Variants in PIGC observed in about 807,000 individuals in gnomAD.
The protein encoded by PIGC is phosphatidylinositol N-acetylglucosaminyltransferase subunit C.
Under a neutral mutation model 20.9 loss-of-function variants are expected in PIGC, and 14 were observed. The ratio of observed to expected loss-of-function variants is 0.67; its 90% CI spans 0.44 to 1.05. PIGC has a LOEUF of 1.05. Ranked by LOEUF, PIGC falls within the 50% of genes least tolerant of loss-of-function variation. PIGC has a pLI of 0.00. For synonymous variants in PIGC, 132 were observed against 141.4 expected, an observed-to-expected ratio of 0.93 and a Z score of 0.47; for missense variants, 310 against 360.9, an observed-to-expected ratio of 0.86 and a Z score of 1.14.
At position 172,442,729 on chromosome 1, in the gene PIGC, T is replaced by C. The variant is rs1647464204; in HGVS notation, c.-107A>G. ...AAATGAGACCTCCCTGGAAATTCCA[T>C]GCTGTGTTGATGTTCTACCAACCTT... On this transcript the variant is annotated 5_prime_UTR_variant, in exon 2 of 2. An upstream start codon of the reference 5' UTR is lost. Coordinates refer to ENST00000344529, the MANE Select transcript of PIGC (RefSeq NM_153747.2). 4.1e-6 allele frequency: 4 copies of C among 965,930 alleles called. No individual in the cohort carries two copies. The South Asian group carries it at 6.2e-5, about 15-fold the overall frequency. 59.8% of individuals were successfully genotyped at this position (965,930 alleles called of 1,614,324 possible).
rs777046406 is a variant in PIGC, at chr1:172,442,089, G to A, written c.534C>T (p.Ser178=). The A allele has an allele frequency of 6.2e-7, 1 of 1,614,228 alleles. No homozygotes were observed. Among genetic ancestry groups the A allele is most frequent in the East Asian group, 2.2e-5 (1 of 44,886 alleles). The change falls in exon 2 of 2, where the codon TCC becomes TCT. Residue 178 remains serine (S), a synonymous_variant. Transcript: ENST00000344529. ...ANAAIVSSTL[S]LNMAIFASVC... ...CAGAAGCAAAGATGGCCATGTTCAAGGATAGTGTGCTGGATACAATGGCAG... is the reference window on the plus strand; with the variant it reads ...CAGAAGCAAAGATGGCCATGTTCAAAGATAGTGTGCTGGATACAATGGCAG...
rs757152218 is a variant in PIGC, at chr1:172,442,331, C to G, written c.292G>C (p.Val98Leu). The G allele has an allele frequency of 8.1e-6, 13 of 1,613,192 alleles. No individual in the cohort carries two copies. The African/African-American group carries it at 1.6e-4, about 20-fold the overall frequency. Residue 98 changes from valine to leucine, a missense_variant, in exon 2 of 2, where the codon GTT becomes CTT. Coordinates refer to ENST00000344529, the MANE Select transcript of PIGC (RefSeq NM_153747.2). ...CCTCCATCAATGAGATCAAACAAAA[C>G]ATACCCAATCAGTGAAGAAGCCAGA... Reference protein sequence around the residue: ...TGLASSLIGYVLFDLIDGGEG... With the variant: ...TGLASSLIGYLLFDLIDGGEG...
chr1:172,443,555 T>A (rs1647578513), intron 1 of PIGC: 1 of 167,076 alleles, frequency 6.0e-6, no homozygotes, highest in African/African-American at 2.4e-5. Flanking sequence ...AAGAAGATAA[T>A]CATTCCTTTT....
At chr1:172,442,964 A>G (rs1041490451) in intron 1 of PIGC, 134 bp from the exon 2 acceptor site, 2 of 212,884 alleles carry the variant, frequency 9.4e-6, no homozygotes, top group African/African-American at 4.7e-5. Context: ...GGACATTAAA[A>G]CTGCATTTCA....
chr1:172,442,182 G>A lies in PIGC; in HGVS notation c.441C>T (p.Asp147=), dbSNP rs1647383712. 1.9e-6 allele frequency: 3 copies of A among 1,614,164 alleles called. No individual in the cohort carries two copies. The highest frequency in any genetic ancestry group is 1.1e-5 in the South Asian group (1 of 91,080). ...LKTLTESVST[D]TIYAMSVFML... ...TGAAGACTGACATGGCATAGATGGTGTCAGTGCTGACAGACTCTGTAAGGG... is the reference window on the plus strand; with the variant it reads ...TGAAGACTGACATGGCATAGATGGTATCAGTGCTGACAGACTCTGTAAGGG... Residue 147 remains aspartate, a synonymous_variant, in exon 2 of 2, where the codon GAC becomes GAT. Transcript: ENST00000344529.
chr1:172,442,064 C>G lies in PIGC; in HGVS notation c.559G>C (p.Val187Leu), dbSNP rs748141955. The G allele has an allele frequency of 1.2e-6, 2 of 1,614,162 alleles. No homozygotes were observed. Among genetic ancestry groups the G allele is most frequent in the Non-Finnish European group, 1.7e-6 (2 of 1,180,040 alleles). ...CGGGGAAGACGTGATGCCAAGCATA[C>G]AGAAGCAAAGATGGCCATGTTCAAG... ...LSLNMAIFAS[V>L]CLASRLPRSL... Residue 187 changes from valine to leucine, a missense_variant, in exon 2 of 2, where the codon GTA (valine) becomes CTA (leucine). Transcript: ENST00000344529.
In PIGC at chr1:172,442,809, G is replaced by A; in HGVS notation, c.-187C>T. The A allele has an allele frequency of 1.7e-6, 1 of 583,246 alleles. No homozygotes were observed. Among genetic ancestry groups the A allele is most frequent in the South Asian group, 2.3e-5 (1 of 43,302 alleles). The allele number at this position is 583,246 out of a possible 1,614,324, so 36.1% of individuals were successfully genotyped here. On this transcript the variant is annotated 5_prime_UTR_variant, in exon 2 of 2. Coordinates refer to ENST00000344529, the MANE Select transcript of PIGC (RefSeq NM_153747.2). ...TACAATAGATGAATTTGTCTCTGAG[G>A]CAGGACAACACAGCCAAGTTCCTAG... is the stretch of plus-strand genomic sequence containing the variant.
Position 172,441,617 on chromosome 1 carries a change from T to G in PIGC, c.*112A>C. ...CATTTTTTTTGGTTTTGATCTCTAT[T>G]CTCTTACCACAATGACATGCTGCTT... On this transcript the variant is annotated 3_prime_UTR_variant, in exon 2 of 2. Coordinates refer to ENST00000344529, the MANE Select transcript of PIGC (RefSeq NM_153747.2). 9.9e-7 allele frequency: 1 copy of G among 1,012,576 alleles called. No homozygotes were observed. Among genetic ancestry groups the G allele is most frequent in the Non-Finnish European group, 1.4e-6 (1 of 705,066 alleles). The allele number at this position is 1,012,576 out of a possible 1,614,324, so 62.7% of individuals were successfully genotyped here.
rs751068367 is a variant in PIGC at position 172,441,884 on chromosome 1, T to C, written c.739A>G (p.Ser247Gly). The change falls in exon 2 of 2, where the codon AGT becomes GGT. Residue 247 changes from serine (S) to glycine (G), a missense_variant. By Grantham distance (56) the Ser-to-Gly change is moderately conservative. Coordinates refer to ENST00000344529, the MANE Select transcript of PIGC (RefSeq NM_153747.2). ...GCAAAGAGTACGGCTCCCACAGCAC[T>C]AATGGACAGTAGGCCTCCCACGGCT... ...FSAVGGLLSI[S>G]AVGAVLFALL... is the part of the protein sequence containing the mutation. 53 of 1,614,160 alleles carry C rather than the reference T, an allele frequency of 3.3e-5. No individual in the cohort carries two copies. In the East Asian group the frequency reaches 1.0e-3, roughly 31 times the overall value.
Position 172,441,523 on chromosome 1 carries a change from C to T in PIGC, c.*206G>A. On this transcript the variant is annotated 3_prime_UTR_variant, in exon 2 of 2. Coordinates refer to ENST00000344529, the MANE Select transcript of PIGC (RefSeq NM_153747.2). ...TGTTACAGCATGTAATTCAAGAGGTCCCCAGAAAGTTTTTTCATCTACAAA... is the reference window on the plus strand; with the variant it reads ...TGTTACAGCATGTAATTCAAGAGGTTCCCAGAAAGTTTTTTCATCTACAAA... 2.3e-6 allele frequency: 1 copy of T among 426,412 alleles called. No homozygotes were observed. The highest frequency in any genetic ancestry group is 4.1e-6 in the Non-Finnish European group (1 of 241,826). The allele number at this position is 426,412 out of a possible 1,614,324, so 26.4% of individuals were successfully genotyped here.
rs1256988002 is a variant in PIGC, at chr1:172,442,380, G to T, written c.243C>A (p.Ala81=). 1 of 1,613,246 alleles carries T rather than the reference G, an allele frequency of 6.2e-7. No individual in the cohort carries two copies. Among genetic ancestry groups the T allele is most frequent in the Non-Finnish European group, 8.5e-7 (1 of 1,180,008 alleles). ...GACCAGTCCCTAAAAGCCAATGGGG[G>T]GCCAGAAGACCCTCATCCATATACC... is the stretch of plus-strand genomic sequence containing the variant. ...IWWYMDEGLL[A]PHWLLGTGLA... Residue 81 remains alanine (A), a synonymous_variant, in exon 2 of 2, where the codon GCC becomes GCA. Coordinates refer to ENST00000344529, the MANE Select transcript of PIGC (RefSeq NM_153747.2).
In PIGC at chr1:172,442,410, G is replaced by A. The variant is rs1199434718; in HGVS notation, c.213C>T (p.Ile71=). The change falls in exon 2 of 2, where the codon ATC becomes ATT. Residue 71 remains isoleucine (I), a synonymous_variant. Coordinates refer to ENST00000344529, the MANE Select transcript of PIGC (RefSeq NM_153747.2). ...GAAGACCCTCATCCATATACCACCAGATAACCACAAAAACACAAACACTGC... is the reference window on the plus strand; with the variant it reads ...GAAGACCCTCATCCATATACCACCAAATAACCACAAAAACACAAACACTGC... ...QLCSVCVFVV[I]WWYMDEGLLA... is the part of the protein sequence containing the mutation. 6.2e-7 allele frequency: 1 copy of A among 1,614,034 alleles called. No individual in the cohort carries two copies. The highest frequency in any genetic ancestry group is 2.2e-5 in the East Asian group (1 of 44,884).
In PIGC at chr1:172,442,428, A is replaced by C. The variant is rs550442979; in HGVS notation, c.195T>G (p.Val65=). Residue 65 remains valine (V), a synonymous_variant, in exon 2 of 2, where the codon GTT becomes GTG. Transcript: ENST00000344529. ...SSVVIQQLCS[V]CVFVVIWWYM... ...ACCACCAGATAACCACAAAAACACA[A>C]ACACTGCACAGCTGCTGGATCACCA... 16 of 1,614,054 alleles carry C rather than the reference A, an allele frequency of 9.9e-6. No individual in the cohort carries two copies. Among genetic ancestry groups the C allele is most frequent in the Admixed American group, 6.7e-5 (4 of 60,000 alleles).
At position 172,442,562 on chromosome 1, in the gene PIGC, G is replaced by C; in HGVS notation, c.61C>G (p.Arg21Gly). 6.2e-7 allele frequency: 1 copy of C among 1,613,960 alleles called. No homozygotes were observed. The highest frequency in any genetic ancestry group is 8.5e-7 in the Non-Finnish European group (1 of 1,179,864). ...EVKWQKVLYE[R>G]QPFPDNYVDR... ...ACATAGTTATCAGGAAAGGGCTGTC[G>C]CTCATACAAGACCTTCTGCCACTTG... is the stretch of plus-strand genomic sequence containing the variant. The change falls in exon 2 of 2, where the codon CGA becomes GGA. Residue 21 changes from arginine (R) to glycine (G), a missense_variant. Arg to Gly is a moderately radical substitution (Grantham distance 125). Coordinates refer to ENST00000344529, the MANE Select transcript of PIGC (RefSeq NM_153747.2).
rs148171978 is a variant in PIGC at position 172,441,842 on chromosome 1, T to C, written c.781A>G (p.Ile261Val). Residue 261 changes from isoleucine to valine, a missense_variant, in exon 2 of 2, where the codon ATC becomes GTC. Physicochemically the swap from Ile to Val is conservative, Grantham distance 29. Transcript: ENST00000344529. Reference sequence around the variant, plus strand: ...AGGTAGAATGGACACAGACATGAGATAGACATCAGCAGAAGGGCAAAGAGT... The same window carrying C: ...AGGTAGAATGGACACAGACATGAGACAGACATCAGCAGAAGGGCAAAGAGT... ...AVLFALLLMS[I>V]SCLCPFYLIR... 115 of 1,614,058 alleles carry C rather than the reference T, an allele frequency of 7.1e-5. 1 individual carries two copies. The highest frequency in any genetic ancestry group is 2.2e-4 in the South Asian group (20 of 91,068).
Position 172,442,419 on chromosome 1 carries a change from AAAAACAC to A in PIGC, c.197_203del (p.Cys66LeufsTer19). On this transcript the variant is annotated frameshift_variant, in exon 2 of 2. Coordinates refer to ENST00000344529, the MANE Select transcript of PIGC (RefSeq NM_153747.2). LOFTEE classifies it high-confidence loss of function. ...CATCCATATACCACCAGATAACCAC[AAAAACAC>A]AAACACTGCACAGCTGCTGGATCAC... 6.2e-7 allele frequency: 1 copy of A among 1,614,148 alleles called. No individual in the cohort carries two copies. The highest frequency in any genetic ancestry group is 8.5e-7 in the Non-Finnish European group (1 of 1,180,010).
At chr1:172,443,864 C>A (rs1280083881) in intron 1 of PIGC, 124 bp downstream of exon 1, 3 of 647,084 alleles carry the variant, frequency 4.6e-6, no homozygotes, top group Non-Finnish European at 5.9e-6. Context: ...TTCTGGCACC[C>A]CATTTGGCTT....
rs1178696545 is a variant in PIGC, at chr1:172,441,609, A to T, written c.*120T>A. The T allele has an allele frequency of 1.1e-5, 10 of 918,112 alleles. No individual in the cohort carries two copies. The Admixed American group carries it at 1.6e-4, about 15-fold the overall frequency. The allele number at this position is 918,112 out of a possible 1,614,324, so 56.9% of individuals were successfully genotyped here. A position where few individuals can be genotyped will look rare whatever the true frequency, so the allele number is the denominator to read the frequency against. On this transcript the variant is annotated 3_prime_UTR_variant, in exon 2 of 2. Transcript: ENST00000344529. ...CTTTGGTTCATTTTTTTTGGTTTTG[A>T]TCTCTATTCTCTTACCACAATGACA...
At chr1:172,443,774 A>T in intron 1 of PIGC, 1 of 196,100 alleles carries the variant, frequency 5.1e-6, no homozygotes, top group Non-Finnish European at 1.1e-5. Context: ...TGCGACGCCC[A>T]AAAGGGCAGC....
Sources: allele counts gnomAD v4.1 joint callset, GRCh38; gene constraint gnomAD v4.1.1; transcripts MANE v1.5; gene names NCBI Gene and HGNC (gene_info 2026-07-23, HGNC 2026-07-21).